DLG2: variants seen among roughly 807,000 people sequenced by gnomAD.
DLG2 encodes discs large MAGUK scaffold protein 2, also known as disks large homolog 2.
DLG2 carries 45 observed loss-of-function variants against 132.5 expected under a neutral mutation model. The ratio of observed to expected loss-of-function variants is 0.34; its 90% CI spans 0.27 to 0.44. The LOEUF is 0.44. Among genes scored for constraint, DLG2 ranks in the 20% least tolerant of loss-of-function variants. The pLI, the probability that DLG2 is intolerant of heterozygous loss-of-function variation, is 1.00. For synonymous variants in DLG2, 424 were observed against 419.6 expected (o/e 1.01, Z -0.13); for missense variants, 1,045 against 1,196.9 (o/e 0.87, Z 1.87).
At chr11:83,958,236 G>A (rs1003088474) in intron 14 of DLG2, among the ~76,000 whole-genome samples, 18 of 152,182 alleles carry the variant, frequency 1.2e-4, no homozygotes, top group African/African-American at 4.3e-4. Context: ...ATAATTCGGA[G>A]ACAATAGAGT....
At chr11:83,899,824 CA>C (rs1258329302) in intron 15 of DLG2, among the ~76,000 whole-genome samples, 4 of 152,098 alleles carry the variant, frequency 2.6e-5, no homozygotes, top group Non-Finnish European at 4.4e-5. Context: ...AAAAGATACC[CA>C]AAAATGTGGA....
chr11:84,436,581 T>C (rs2099001446), intron 7 of DLG2, among the ~76,000 whole-genome samples: 1 of 152,206 alleles, frequency 6.6e-6, no homozygotes, highest in Non-Finnish European at 1.5e-5. Flanking sequence ...CATTGGATAT[T>C]GATTCCCTAA....
chr11:83,770,255 G>GC (rs2094332424), intron 18 of DLG2, among the ~76,000 whole-genome samples: 1 of 109,918 alleles, frequency 9.1e-6, no homozygotes, highest in African/African-American at 4.1e-5. Flanking sequence ...GGTGTCTGGT[G>GC]TTTTTTTTTG....
At chr11:85,483,982 G>A (rs1445475441) in intron 3 of DLG2, among the ~76,000 whole-genome samples, 1 of 152,046 alleles carries the variant, frequency 6.6e-6, no homozygotes, top group Non-Finnish European at 1.5e-5. Context: ...GGGTCTTCCA[G>A]GAGTCGGGTT....
intron 6 of DLG2, among the ~76,000 whole-genome samples, chr11:84,741,289 C>T (rs2064624479): frequency 6.6e-6 from 1 of 151,630 alleles, no homozygotes. Context: ...CTCCTGACCT[C>T]GTGATCCGCC....
chr11:83,587,548 G>C (rs914255001), intron 19 of DLG2, among the ~76,000 whole-genome samples: 7 of 152,280 alleles, frequency 4.6e-5, no homozygotes, highest in Middle Eastern at 3.4e-3. Flanking sequence ...TGGGATTATA[G>C]GCAAATGTGC....
chr11:83,656,207 C>T (rs1407939000), intron 18 of DLG2, among the ~76,000 whole-genome samples: 1 of 152,196 alleles, frequency 6.6e-6, no homozygotes, highest in Non-Finnish European at 1.5e-5. Context: ...AATCTATTTC[C>T]AACAAAATCT....
In DLG2 at chr11:83,755,928, C is replaced by T. The variant is rs573303482; in HGVS notation, c.1825+30762G>A. ...ATTACAAATCACTACAAGCTATGGGCCTTATGAGTTACACTCAAATAGTTG... is the reference window on the plus strand; with the variant it reads ...ATTACAAATCACTACAAGCTATGGGTCTTATGAGTTACACTCAAATAGTTG... On this transcript the variant is annotated intron_variant, in intron 18 of 27. Transcript: ENST00000376104. 8.6e-4 allele frequency among the ~76,000 whole-genome samples: 130 copies of T among 151,458 alleles called. 5 individuals are homozygous for T. Among genetic ancestry groups the T allele is most frequent in the African/African-American group, 3.1e-3 (128 of 40,790 alleles).
At chr11:84,032,079 C>T (rs779617050) in intron 11 of DLG2, among the ~76,000 whole-genome samples, 1 of 152,084 alleles carries the variant, frequency 6.6e-6, no homozygotes, top group Non-Finnish European at 1.5e-5. Flanking sequence ...GTTCTCGCTC[C>T]CTCTTCTTGG....
intron 3 of DLG2, among the ~76,000 whole-genome samples, chr11:85,339,313 T>C (rs1294856269): frequency 6.6e-6 from 1 of 152,206 alleles, no homozygotes; most frequent in Non-Finnish European, 1.5e-5. Context: ...CATGCTATAA[T>C]GAATAATTTT....
intron 6 of DLG2, among the ~76,000 whole-genome samples, chr11:84,823,637 C>A (rs1384126232): frequency 6.8e-6 from 1 of 147,658 alleles, no homozygotes; most frequent in African/African-American, 2.5e-5. Context: ...ACTTCATATT[C>A]CCCTGCCGAG....
chr11:84,112,579 T>TA (rs1463891304), intron 9 of DLG2, among the ~76,000 whole-genome samples: 1 of 152,126 alleles, frequency 6.6e-6, no homozygotes, highest in African/African-American at 2.4e-5. Context: ...GGTGTGCACT[T>TA]ATTATTTCTT....
intron 7 of DLG2, among the ~76,000 whole-genome samples, chr11:84,266,749 G>A (rs533486535): frequency 6.6e-6 from 1 of 152,312 alleles, no homozygotes; most frequent in Non-Finnish European, 1.5e-5. Context: ...GTTGGTGGAT[G>A]TGATGCTGGA....
intron 7 of DLG2, among the ~76,000 whole-genome samples, chr11:84,371,723 T>G (rs1459694425): frequency 6.6e-6 from 1 of 152,218 alleles, no homozygotes; most frequent in Non-Finnish European, 1.5e-5. Context: ...CTCAACTGGT[T>G]AGTTAACAAA....
chr11:83,761,281 A>G (rs1350959121), intron 18 of DLG2, among the ~76,000 whole-genome samples: 6 of 152,250 alleles, frequency 3.9e-5, no homozygotes, highest in Non-Finnish European at 8.8e-5. Flanking sequence ...TAACAATCCC[A>G]TACTTAATAG....
intron 19 of DLG2, among the ~76,000 whole-genome samples, chr11:83,593,366 TC>T (rs2097221326): frequency 6.6e-6 from 1 of 151,024 alleles, no homozygotes; most frequent in African/African-American, 2.4e-5. Flanking sequence ...AAATTGGAAA[TC>T]ATCATTCTCA....
chr11:84,825,609 T>A lies in DLG2; in HGVS notation c.357+286052A>T, dbSNP rs143279206. ...CAGACACATTTCAGACTCCTATAAT[T>A]ACTGAGGGCAACCATCTCATCCAGA... On this transcript the variant is annotated intron_variant, in intron 6 of 27. Transcript: ENST00000376104. 6.4e-3 allele frequency among the ~76,000 whole-genome samples: 978 copies of A among 152,052 alleles called. 8 individuals are homozygous for A. Among genetic ancestry groups the A allele is most frequent in the Non-Finnish European group, 8.6e-3 (585 of 67,882 alleles).
At chr11:85,221,964 G>T (rs945434592) in intron 4 of DLG2, among the ~76,000 whole-genome samples, 7 of 150,144 alleles carry the variant, frequency 4.7e-5, no homozygotes, top group Non-Finnish European at 1.0e-4. Flanking sequence ...TTGAGACAGA[G>T]TCTCACTCTG....
At chr11:85,120,271 A>T (rs1024953445) in intron 5 of DLG2, among the ~76,000 whole-genome samples, 2 of 152,102 alleles carry the variant, frequency 1.3e-5, no homozygotes, top group Admixed American at 6.6e-5. Context: ...TTTGTAGATC[A>T]AGTGCCATGG....
Sources: allele counts gnomAD v4.1 joint callset (sites outside exome capture counted in the v4.1 genomes callset), GRCh38; gene constraint gnomAD v4.1.1; transcripts MANE v1.5; gene names NCBI Gene and HGNC (gene_info 2026-07-23, HGNC 2026-07-21).